Variants in RHOQ observed in about 807,000 individuals in gnomAD.
The protein encoded by RHOQ is ras homolog family member Q, also known as rho-related GTP-binding protein RhoQ.
In RHOQ, 7 loss-of-function variants were observed where a neutral mutation model predicts 25.8. The ratio of observed to expected loss-of-function variants is 0.27; its 90% confidence interval spans 0.15 to 0.51. The LOEUF is 0.51. Ranked by LOEUF, RHOQ falls within the 20% of genes least tolerant of loss-of-function variation. The probability of loss-of-function intolerance (pLI) is 0.97; values close to 1 mark genes in which losing one functional copy is unlikely to be tolerated. For missense variants in RHOQ, 165 were observed against 260.6 expected (o/e 0.63, Z 2.53); for synonymous variants, 97 against 98.6 (o/e 0.98, Z 0.10).
intron 2 of RHOQ, among the ~76,000 whole-genome samples, chr2:46,551,501 T>G (rs1440018013): frequency 6.6e-6 from 1 of 152,156 alleles, no homozygotes; most frequent in Non-Finnish European, 1.5e-5. Flanking sequence ...CGTCTTTTTA[T>G]GGACCCCAGA....
intron 2 of RHOQ, among the ~76,000 whole-genome samples, chr2:46,559,696 A>G (rs950578730): frequency 9.2e-5 from 14 of 152,326 alleles, no homozygotes; most frequent in Non-Finnish European, 1.8e-4. Context: ...GGGCAACACC[A>G]GTCCTCACTT....
At chr2:46,547,112 A>C (rs1336537650) in intron 2 of RHOQ, among the ~76,000 whole-genome samples, 1 of 152,218 alleles carries the variant, frequency 6.6e-6, no homozygotes, top group Non-Finnish European at 1.5e-5. Context: ...TGTAGGCTTC[A>C]GTTGGTTCTA....
chr2:46,551,507 C>T (rs1389330494), intron 2 of RHOQ, among the ~76,000 whole-genome samples: 1 of 151,988 alleles, frequency 6.6e-6, no homozygotes, highest in African/African-American at 2.4e-5. Context: ...TTTATGGACC[C>T]CAGATCCCTG....
At position 46,543,728 on chromosome 2, in the gene RHOQ, C is replaced by T. The variant is rs762995645; in HGVS notation, c.143-26C>T. 1.3e-5 allele frequency: 21 copies of T among 1,608,502 alleles called. No homozygotes were observed. In the East Asian group the frequency reaches 3.4e-4, roughly 26 times the overall value. On this transcript the variant is annotated intron_variant, in intron 1 of 4. Coordinates refer to ENST00000238738, the MANE Select transcript of RHOQ (RefSeq NM_012249.4). ...AGCCCAGGTCACTGTGAGCTTCTCT[C>T]CCCGCCCCCACTTCTGTCCTTGCAG... is the stretch of plus-strand genomic sequence containing the variant.
chr2:46,571,326 C>CAGG (rs1366514052), intron 2 of RHOQ, among the ~76,000 whole-genome samples: 1 of 152,208 alleles, frequency 6.6e-6, no homozygotes, highest in Non-Finnish European at 1.5e-5. Flanking sequence ...TGCACGTTCC[C>CAGG]ACACCAGCCT....
At chr2:46,560,091 C>T (rs879170597) in intron 2 of RHOQ, among the ~76,000 whole-genome samples, 4 of 152,184 alleles carry the variant, frequency 2.6e-5, no homozygotes, top group Admixed American at 2.6e-4. Context: ...TTGCTTGTGG[C>T]TCCGCGTTCA....
chr2:46,563,813 T>G (rs1668644597), intron 2 of RHOQ, among the ~76,000 whole-genome samples: 1 of 152,000 alleles, frequency 6.6e-6, no homozygotes, highest in Non-Finnish European at 1.5e-5. Flanking sequence ...ATTTCTTTCC[T>G]CTTTTTTTCT....
chr2:46,545,202 C>G (rs1333505992), intron 2 of RHOQ, among the ~76,000 whole-genome samples: 1 of 152,188 alleles, frequency 6.6e-6, no homozygotes. Context: ...TTCCTTCTAC[C>G]TTCATTGGAG....
chr2:46,560,682 G>A (rs1271284584), intron 2 of RHOQ: 1 of 454,256 alleles, frequency 2.2e-6, no homozygotes, highest in Non-Finnish European at 4.4e-6. Context: ...TCTTACTGTT[G>A]GACAGAGGTA....
chr2:46,564,754 C>T (rs765463830), intron 2 of RHOQ, among the ~76,000 whole-genome samples: 1 of 152,166 alleles, frequency 6.6e-6, no homozygotes, highest in Non-Finnish European at 1.5e-5. Context: ...GTATGTATGT[C>T]AACTGGGGAC....
chr2:46,564,919 G>A (rs1572747248), intron 2 of RHOQ, among the ~76,000 whole-genome samples: 1 of 152,234 alleles, frequency 6.6e-6, no homozygotes, highest in East Asian at 1.9e-4. Flanking sequence ...CACCCTGGTG[G>A]TGATAACAGC....
At position 46,559,135 on chromosome 2, in the gene RHOQ, G is replaced by C. The variant is rs1190153889; in HGVS notation, c.201+15323G>C. Among the ~76,000 whole-genome samples, 3 of 151,950 alleles carry C rather than the reference G, an allele frequency of 2.0e-5. 1 individual carries two copies. The highest frequency in any genetic ancestry group is 1.5e-5 in the Non-Finnish European group (1 of 67,952). ...CTTCTGGCTAGTTTTTTGTTTGTTT[G>C]TTTCTTTGGTTTCTTTTTGTTGTTG... On this transcript the variant is annotated intron_variant, in intron 2 of 4. Coordinates refer to ENST00000238738, the MANE Select transcript of RHOQ (RefSeq NM_012249.4).
At position 46,561,881 on chromosome 2, in the gene RHOQ, T is replaced by C. The variant is rs561419256; in HGVS notation, c.202-14206T>C. On this transcript the variant is annotated intron_variant, in intron 2 of 4. Transcript: ENST00000238738. ...GGGAAATGACTTGAACAAGATTACA[T>C]ACATGGCCAGTGAGAGGCCACCCTG... 2.0e-5 allele frequency among the ~76,000 whole-genome samples: 3 copies of C among 152,250 alleles called. No individual in the cohort carries two copies. In the Middle Eastern group the frequency reaches 0.01, roughly 518 times the overall value.
At chr2:46,574,423 T>G (rs1669040249) in intron 2 of RHOQ, among the ~76,000 whole-genome samples, 1 of 152,102 alleles carries the variant, frequency 6.6e-6, no homozygotes, top group African/African-American at 2.4e-5. Context: ...ATTGTACTGT[T>G]TAACACAAGC....
At chr2:46,579,025 G>A (rs17035312) in intron 4 of RHOQ, among the ~76,000 whole-genome samples, 149 of 152,252 alleles carry the variant, frequency 9.8e-4, no homozygotes, top group African/African-American at 3.0e-3. Flanking sequence ...GAGCTACAAA[G>A]ATGCTGAATT....
intron 2 of RHOQ, among the ~76,000 whole-genome samples, chr2:46,545,706 T>C (rs1222194234): frequency 6.6e-6 from 1 of 152,090 alleles, no homozygotes; most frequent in African/African-American, 2.4e-5. Flanking sequence ...CAGGACACCA[T>C]GGGAATGCTG....
chr2:46,581,452 C>T lies in RHOQ; in HGVS notation c.*369C>T, dbSNP rs781594998. On this transcript the variant is annotated 3_prime_UTR_variant, in exon 5 of 5. Coordinates refer to ENST00000238738, the MANE Select transcript of RHOQ (RefSeq NM_012249.4). ...CTGCCCAGCCCTTACAGAATCTGCACAAAGAAATATCTCCCTTTGCTCCAG... is the reference window on the plus strand; with the variant it reads ...CTGCCCAGCCCTTACAGAATCTGCATAAAGAAATATCTCCCTTTGCTCCAG... The T allele has an allele frequency of 2.5e-6, 4 of 1,604,588 alleles. No homozygotes were observed. Among genetic ancestry groups the T allele is most frequent in the South Asian group, 2.2e-5 (2 of 90,044 alleles).
chr2:46,563,995 A>G (rs1438331213), intron 2 of RHOQ, among the ~76,000 whole-genome samples: 2 of 151,940 alleles, frequency 1.3e-5, no homozygotes, highest in Non-Finnish European at 2.9e-5. Flanking sequence ...ACACGACATA[A>G]ATTTAACCAT....
chr2:46,570,006 T>TA (rs1206967052), intron 2 of RHOQ, among the ~76,000 whole-genome samples: 18 of 152,160 alleles, frequency 1.2e-4, no homozygotes, highest in Non-Finnish European at 1.5e-5. Flanking sequence ...GAACCAAACT[T>TA]ACCAAAGTGT....
Sources: allele counts gnomAD v4.1 joint callset (sites outside exome capture counted in the v4.1 genomes callset), GRCh38; gene constraint gnomAD v4.1.1; transcripts MANE v1.5; gene names NCBI Gene and HGNC (gene_info 2026-07-23, HGNC 2026-07-21).